JAZF1: variants seen among roughly 807,000 people sequenced by gnomAD.
JAZF1 encodes the protein juxtaposed with another zinc finger protein 1.
A neutral mutation model predicts 26.4 loss-of-function variants in JAZF1; 8 were observed. The ratio of observed to expected loss-of-function variants is 0.30; its 90% CI spans 0.18 to 0.55. The LOEUF is 0.55. Ranked by LOEUF, JAZF1 falls within the 20% of genes least tolerant of loss-of-function variation. The pLI, the probability that JAZF1 is intolerant of heterozygous loss-of-function variation, is 0.94. For synonymous variants in JAZF1, 126 were observed against 122.3 expected (o/e 1.03, Z -0.20); for missense variants, 199 against 322.0 (o/e 0.62, Z 2.92).
At chr7:27,955,297 A>G (rs1785070398) in intron 2 of JAZF1, among the ~76,000 whole-genome samples, 1 of 152,244 alleles carries the variant, frequency 6.6e-6, no homozygotes, top group Non-Finnish European at 1.5e-5. Context: ...GTGTGTTTTT[A>G]GAAAAAGCAG....
intron 1 of JAZF1, among the ~76,000 whole-genome samples, chr7:28,039,535 G>A (rs1352336363): frequency 6.6e-6 from 1 of 152,120 alleles, no homozygotes; most frequent in Non-Finnish European, 1.5e-5. Context: ...TGAGATATAT[G>A]AAGCTAAGAT....
intron 1 of JAZF1, among the ~76,000 whole-genome samples, chr7:28,034,423 G>A (rs1196245151): frequency 6.8e-6 from 1 of 146,402 alleles, no homozygotes; most frequent in African/African-American, 2.5e-5. Flanking sequence ...TTTTGAGGCA[G>A]TCTTTGAGGG....
chr7:27,838,670 C>A (rs1782865046), intron 4 of JAZF1, among the ~76,000 whole-genome samples: 1 of 152,156 alleles, frequency 6.6e-6, no homozygotes. Flanking sequence ...ACTAATCGCA[C>A]TGGAGCACAG....
At chr7:28,161,785 TA>T (rs1783295761) in intron 1 of JAZF1, among the ~76,000 whole-genome samples, 1 of 152,172 alleles carries the variant, frequency 6.6e-6, no homozygotes, top group Non-Finnish European at 1.5e-5. Context: ...GATTATCCTT[TA>T]TTCCCCAAGA....
At chr7:28,179,702 G>A (rs1160648428) in intron 1 of JAZF1, among the ~76,000 whole-genome samples, 1 of 148,020 alleles carries the variant, frequency 6.8e-6, no homozygotes, top group South Asian at 2.1e-4. Flanking sequence ...GCAGGGGAGG[G>A]CACCCAGAGC....
chr7:28,072,193 G>T (rs192193202), intron 1 of JAZF1, among the ~76,000 whole-genome samples: 25 of 152,242 alleles, frequency 1.6e-4, no homozygotes, highest in African/African-American at 5.8e-4. Context: ...TGTTATAATT[G>T]CCCCAAGCAT....
At position 28,118,044 on chromosome 7, in the gene JAZF1, C is replaced by T. The variant is rs778308138; in HGVS notation, c.115+62419G>A. ...AATAGGACAGGGAAAACAGGCAAAT[C>T]GGAAAATGTCTGGTCCACCGCAGCT... On this transcript the variant is annotated intron_variant, in intron 1 of 4. Coordinates refer to ENST00000283928, the MANE Select transcript of JAZF1 (RefSeq NM_175061.4). The T allele has an allele frequency of 2.6e-5, 4 of 152,032 alleles. No homozygotes were observed. In the South Asian group the frequency reaches 6.2e-4, roughly 24 times the overall value. The allele number at this position is 152,032 out of a possible 1,614,324, so 9.4% of individuals were successfully genotyped here.
intron 1 of JAZF1, among the ~76,000 whole-genome samples, chr7:28,166,067 C>A (rs1783363006): frequency 6.6e-6 from 1 of 151,810 alleles, no homozygotes. Flanking sequence ...AGAAATAGAA[C>A]CCATGAGAAG....
intron 1 of JAZF1, among the ~76,000 whole-genome samples, chr7:28,026,269 C>T (rs1266547740): frequency 1.3e-5 from 2 of 152,154 alleles, no homozygotes; most frequent in African/African-American, 4.8e-5. Flanking sequence ...TCTCTAAAGC[C>T]CAAAGTTAGC....
chr7:27,928,149 T>G (rs1784628980), intron 2 of JAZF1, among the ~76,000 whole-genome samples: 3 of 152,244 alleles, frequency 2.0e-5, no homozygotes, highest in Admixed American at 2.0e-4. Context: ...AGGGATTTAT[T>G]TTCTTCTCAT....
chr7:27,840,567 T>G lies in JAZF1; in HGVS notation c.555+131A>C. 2.1e-6 allele frequency: 2 copies of G among 954,242 alleles called. No individual in the cohort carries two copies. Among genetic ancestry groups the G allele is most frequent in the East Asian group, 2.4e-5 (1 of 41,624 alleles). 59.1% of individuals were successfully genotyped at this position (954,242 alleles called of 1,614,324 possible). On this transcript the variant is annotated intron_variant, in intron 4 of 4. Coordinates refer to ENST00000283928, the MANE Select transcript of JAZF1 (RefSeq NM_175061.4). This position sits in a 1 kb window ranked among gnomAD's most constrained non-coding sequence, Gnocchi z 5.1. ...GCACACAGGGGTGAGGCCCACGCAC[T>G]CTAATGCAGGAGAGGGGAGTGTCTC...
intron 1 of JAZF1, among the ~76,000 whole-genome samples, chr7:28,136,888 G>A (rs887059687): frequency 2.6e-5 from 4 of 152,206 alleles, no homozygotes; most frequent in African/African-American, 9.6e-5. Context: ...GCGATGGGTG[G>A]ACAAGCCTGC....
intron 2 of JAZF1, among the ~76,000 whole-genome samples, chr7:27,901,995 A>C (rs1229706103): frequency 6.6e-6 from 1 of 152,186 alleles, no homozygotes; most frequent in Non-Finnish European, 1.5e-5. Flanking sequence ...GCAACCTGCA[A>C]TTTTGAGATC....
chr7:27,846,577 T>C (rs1245488369), intron 3 of JAZF1: 3 of 470,864 alleles, frequency 6.4e-6, no homozygotes, highest in Admixed American at 2.4e-5. Context: ...AGAGGGATTG[T>C]TGGGTCATAT....
At chr7:27,957,962 A>G (rs1449585131) in intron 2 of JAZF1, among the ~76,000 whole-genome samples, 1 of 152,242 alleles carries the variant, frequency 6.6e-6, no homozygotes, top group East Asian at 1.9e-4. Flanking sequence ...TAAGTGAAAC[A>G]AGAAATGAGG....
chr7:27,899,677 C>T (rs1161702733), intron 2 of JAZF1, among the ~76,000 whole-genome samples: 1 of 152,100 alleles, frequency 6.6e-6, no homozygotes, highest in Non-Finnish European at 1.5e-5. Flanking sequence ...TCAAGCAATC[C>T]TCCCACCCAA....
At chr7:28,148,353 G>T (rs1239537466) in intron 1 of JAZF1, among the ~76,000 whole-genome samples, 1 of 152,134 alleles carries the variant, frequency 6.6e-6, no homozygotes, top group Non-Finnish European at 1.5e-5. Flanking sequence ...TTATAGGCGT[G>T]AGCCACCGCG....
At chr7:28,169,198 C>T (rs1473236275) in intron 1 of JAZF1, among the ~76,000 whole-genome samples, 1 of 152,214 alleles carries the variant, frequency 6.6e-6, no homozygotes, top group Non-Finnish European at 1.5e-5. Context: ...TATAACTTAA[C>T]GTTATACGTT....
rs372541808 is a variant in JAZF1 at position 27,873,620 on chromosome 7, G to A, written c.385+21600C>T. On this transcript the variant is annotated intron_variant, in intron 3 of 4. Transcript: ENST00000283928. ...CCCGGTCATTGTTAACTGAATTGTT[G>A]CCAGTAGATGTGCCTACTACCCCTT... Among the ~76,000 whole-genome samples, 15 of 152,272 alleles carry A rather than the reference G, an allele frequency of 9.9e-5. No homozygotes were observed. The East Asian group carries it at 1.7e-3, about 18-fold the overall frequency.
Sources: gnomAD v4.1 joint callset for allele counts (sites outside exome capture counted in the v4.1 genomes callset) on GRCh38, gnomAD v4.1.1 for gene constraint, Gnocchi (gnomAD v3.1) non-coding constraint, MANE v1.5 for transcripts, NCBI Gene and HGNC (gene_info 2026-07-23, HGNC 2026-07-21) for gene names.